NAALADL2: variants seen among roughly 807,000 people sequenced by gnomAD.
NAALADL2 encodes the protein N-acetylated alpha-linked acidic dipeptidase like 2.
In NAALADL2, 76 loss-of-function variants were observed where a neutral mutation model predicts 87.2. That is an observed-to-expected ratio of 0.87 (90% CI 0.72 to 1.05). NAALADL2 has a LOEUF of 1.05. Among genes scored for constraint, NAALADL2 ranks in the 50% least tolerant of loss-of-function variants. The pLI is 0.00. For synonymous variants in NAALADL2, 354 were observed against 331.0 expected, an observed-to-expected ratio of 1.07 and a Z score of -0.75; for missense variants, 1,089 against 945.8, an observed-to-expected ratio of 1.15 and a Z score of -1.99.
intron 1 of NAALADL2, among the ~76,000 whole-genome samples, chr3:175,069,801 G>T (rs1322833573): frequency 1.3e-5 from 2 of 150,524 alleles, no homozygotes; most frequent in Non-Finnish European, 3.0e-5. Flanking sequence ...AGAAAATGTG[G>T]CACATATACA....
chr3:175,556,906 C>T (rs1434923773), intron 9 of NAALADL2, among the ~76,000 whole-genome samples: 2 of 152,146 alleles, frequency 1.3e-5, no homozygotes, highest in Non-Finnish European at 2.9e-5. Flanking sequence ...GCTCTCTGCA[C>T]AGCAGGCAGC....
At chr3:175,515,693 A>G (rs560485244) in intron 9 of NAALADL2, among the ~76,000 whole-genome samples, 52 of 152,296 alleles carry the variant, frequency 3.4e-4, no homozygotes, top group African/African-American at 1.1e-3. Flanking sequence ...AATCAAATCC[A>G]CTAAGACAGC....
chr3:174,725,804 C>A (rs1732125086), intron 2 of NAALADL2, among the ~76,000 whole-genome samples: 1 of 152,082 alleles, frequency 6.6e-6, no homozygotes, highest in African/African-American at 2.4e-5. Flanking sequence ...TAGCAAGAGC[C>A]ATCAGTAATC....
At chr3:174,451,935 C>T (rs1176834913) in intron 1 of NAALADL2, among the ~76,000 whole-genome samples, 2 of 142,784 alleles carry the variant, frequency 1.4e-5, no homozygotes, top group South Asian at 4.6e-4. Context: ...CTCCGCCTCT[C>T]GGGTTCAAGA....
chr3:174,705,247 T>C (rs998926879), intron 2 of NAALADL2, among the ~76,000 whole-genome samples: 3 of 152,158 alleles, frequency 2.0e-5, no homozygotes, highest in Non-Finnish European at 4.4e-5. Context: ...GAAATCATAG[T>C]ACTTAGAAAA....
intron 1 of NAALADL2, among the ~76,000 whole-genome samples, chr3:175,096,554 A>C (rs1721193802): frequency 6.7e-6 from 1 of 149,630 alleles, no homozygotes; most frequent in African/African-American, 2.5e-5. Flanking sequence ...GTTTTCTCAT[A>C]GCTTTCCCAC....
intron 5 of NAALADL2, among the ~76,000 whole-genome samples, chr3:175,413,809 A>T (rs1254363327): frequency 2.0e-5 from 3 of 152,076 alleles, no homozygotes; most frequent in African/African-American, 7.2e-5. Flanking sequence ...GGATAGGTTA[A>T]AAGGTTTATT....
chr3:174,735,828 A>T lies in NAALADL2; in HGVS notation c.-114-1813A>T, dbSNP rs1374842. On this transcript the variant is annotated intron_variant, in intron 2 of 3. Transcript: ENST00000434257. ...ACCTCTGGCCAGCAGCGCCTTTGCC[A>T]GAGTTTTGCTCAGGTCCACTGGGCT... Among the ~76,000 whole-genome samples, 585 of 152,098 alleles carry T rather than the reference A, an allele frequency of 3.8e-3. 3 individuals carry two copies. Among genetic ancestry groups the T allele is most frequent in the African/African-American group, 0.014 (561 of 41,488 alleles).
intron 1 of NAALADL2, among the ~76,000 whole-genome samples, chr3:174,447,260 A>C (rs777059108): frequency 4.5e-4 from 68 of 152,114 alleles, no homozygotes; most frequent in Non-Finnish European, 7.8e-4. Context: ...TCTCTAGGGG[A>C]TTAATGGCTC....
chr3:175,113,164 G>A (rs1724491167), intron 2 of NAALADL2, among the ~76,000 whole-genome samples: 1 of 151,574 alleles, frequency 6.6e-6, no homozygotes, highest in Non-Finnish European at 1.5e-5. Flanking sequence ...TTCTGAGTAG[G>A]AAAATTATAA....
intron 5 of NAALADL2, among the ~76,000 whole-genome samples, chr3:175,438,658 T>A (rs944904121): frequency 6.6e-6 from 1 of 152,088 alleles, no homozygotes; most frequent in Non-Finnish European, 1.5e-5. Flanking sequence ...TAATAAATTA[T>A]AATAGTTAAA....
intron 1 of NAALADL2, among the ~76,000 whole-genome samples, chr3:174,875,964 A>G (rs976516294): frequency 1.3e-5 from 2 of 152,128 alleles, no homozygotes; most frequent in African/African-American, 4.8e-5. Flanking sequence ...TCAACTTAAA[A>G]GATAGATAAA....
intron 11 of NAALADL2, among the ~76,000 whole-genome samples, chr3:175,669,665 G>T (rs955262917): frequency 2.0e-5 from 3 of 151,852 alleles, no homozygotes; most frequent in African/African-American, 7.3e-5. Flanking sequence ...TCCTTATTTG[G>T]CTTTGGAATG....
At chr3:175,706,836 C>T (rs1739795694) in intron 11 of NAALADL2, among the ~76,000 whole-genome samples, 1 of 152,072 alleles carries the variant, frequency 6.6e-6, no homozygotes, top group African/African-American at 2.4e-5. Flanking sequence ...AGATCTTGGA[C>T]ACTCAAGTTA....
intron 5 of NAALADL2, among the ~76,000 whole-genome samples, chr3:175,349,182 C>T (rs1763469653): frequency 7.1e-6 from 1 of 141,192 alleles, no homozygotes; most frequent in Non-Finnish European, 1.5e-5. Context: ...CAAATAAACA[C>T]ATAATTCCAC....
intron 1 of NAALADL2, among the ~76,000 whole-genome samples, chr3:174,460,040 T>C: frequency 6.6e-6 from 1 of 152,076 alleles, no homozygotes. Context: ...CTTCAATACA[T>C]CCAATAAATA....
At chr3:174,962,725 C>T (rs563177560) in intron 1 of NAALADL2, among the ~76,000 whole-genome samples, 2 of 152,010 alleles carry the variant, frequency 1.3e-5, no homozygotes, top group African/African-American at 4.8e-5. Flanking sequence ...GCTCAATAGT[C>T]AAAAGTGAAA....
At chr3:174,616,863 T>A (rs1334553498) in intron 2 of NAALADL2, among the ~76,000 whole-genome samples, 4 of 151,928 alleles carry the variant, frequency 2.6e-5, no homozygotes, top group African/African-American at 9.7e-5. Context: ...TCTTGATTAC[T>A]TGTATAGAAA....
At chr3:175,510,968 G>T (rs1329767099) in intron 9 of NAALADL2, among the ~76,000 whole-genome samples, 1 of 152,166 alleles carries the variant, frequency 6.6e-6, no homozygotes, top group African/African-American at 2.4e-5. Flanking sequence ...CTATGGTGAT[G>T]ATGTTATCGG....
Sources: gnomAD v4.1 joint callset for allele counts (sites outside exome capture counted in the v4.1 genomes callset) on GRCh38, gnomAD v4.1.1 for gene constraint, MANE v1.5 for transcripts, NCBI Gene and HGNC (gene_info 2026-07-23, HGNC 2026-07-21) for gene names.